Variants in SDK1 observed in about 807,000 individuals in gnomAD.
SDK1 encodes the protein protein sidekick-1.
SDK1 carries 157 observed loss-of-function variants against 245.5 expected under a neutral mutation model. The ratio of observed to expected loss-of-function variants is 0.64; its 90% CI spans 0.56 to 0.73. The LOEUF (loss-of-function observed/expected upper bound fraction) is 0.73, where lower values mean the gene tolerates loss of function less well. SDK1 is among the 30% of genes least tolerant of loss of function. The probability of loss-of-function intolerance (pLI) is 0.00; values close to 1 mark genes in which losing one functional copy is unlikely to be tolerated. For missense variants in SDK1, 3,583 were observed against 3,002.3 expected (o/e 1.19, Z -4.52); for synonymous variants, 1,647 against 1,278.5 (o/e 1.29, Z -6.15).
chr7:3,353,170 T>TA (rs1306424918), intron 1 of SDK1, among the ~76,000 whole-genome samples: 1 of 146,708 alleles, frequency 6.8e-6, no homozygotes, highest in Non-Finnish European at 1.5e-5. Context: ...GATAGATAGG[T>TA]AAGTGGTGTA....
chr7:3,940,798 G>C (rs1356439698), intron 5 of SDK1, among the ~76,000 whole-genome samples: 2 of 151,982 alleles, frequency 1.3e-5, no homozygotes, highest in African/African-American at 4.8e-5. Context: ...TCCAGCCTGG[G>C]TGACAAAAAT....
chr7:3,807,005 G>C (rs1583433870), intron 4 of SDK1, among the ~76,000 whole-genome samples: 2 of 152,004 alleles, frequency 1.3e-5, no homozygotes, highest in Admixed American at 1.3e-4. Flanking sequence ...ATCGATAGCT[G>C]TATTTCACCC....
chr7:3,531,509 C>T (rs982513454), intron 1 of SDK1, among the ~76,000 whole-genome samples: 9 of 152,044 alleles, frequency 5.9e-5, no homozygotes, highest in Admixed American at 5.9e-4. Context: ...ATTCCGAGTC[C>T]AGCCCAGTAG....
At chr7:3,778,647 T>A (rs1780633919) in intron 4 of SDK1, among the ~76,000 whole-genome samples, 1 of 152,232 alleles carries the variant, frequency 6.6e-6, no homozygotes. Flanking sequence ...GTTGAAGTAT[T>A]TTTAGATCAA....
chr7:3,772,606 CA>C (rs1780435472), intron 4 of SDK1, among the ~76,000 whole-genome samples: 1 of 152,130 alleles, frequency 6.6e-6, no homozygotes, highest in Non-Finnish European at 1.5e-5. Flanking sequence ...AGTGGAGTTA[CA>C]AACTAGTGCT....
rs115275572 is a variant in SDK1, at chr7:3,701,048, G to A, written c.713+58943G>A. 9.2e-3 allele frequency among the ~76,000 whole-genome samples: 1,396 copies of A among 152,196 alleles called. 20 individuals carry two copies. Among genetic ancestry groups the A allele is most frequent in the African/African-American group, 0.032 (1,314 of 41,496 alleles). On this transcript the variant is annotated intron_variant, in intron 4 of 44. Transcript: ENST00000404826. Reference sequence around the variant, plus strand: ...GGAACCAGTTGCCGCGCAGGGAGGAGGCTGAGGCTATCTACGTAGAAAATT... The same window carrying A: ...GGAACCAGTTGCCGCGCAGGGAGGAAGCTGAGGCTATCTACGTAGAAAATT...
intron 1 of SDK1, among the ~76,000 whole-genome samples, chr7:3,429,271 G>C (rs1346098435): frequency 6.6e-6 from 1 of 152,096 alleles, no homozygotes; most frequent in African/African-American, 2.4e-5. Flanking sequence ...TAAAATGCCA[G>C]GTCTTCTAGA....
At chr7:3,403,790 T>G (rs1262625818) in intron 1 of SDK1, among the ~76,000 whole-genome samples, 1 of 139,274 alleles carries the variant, frequency 7.2e-6, no homozygotes, top group Non-Finnish European at 1.5e-5. Context: ...GTACTCTGTT[T>G]CCAAGCTGCA....
At chr7:3,368,082 T>C (rs1051059635) in intron 1 of SDK1, among the ~76,000 whole-genome samples, 2 of 152,110 alleles carry the variant, frequency 1.3e-5, no homozygotes, top group Non-Finnish European at 2.9e-5. Flanking sequence ...CAATAAGGAG[T>C]TCTATCATAT....
intron 5 of SDK1, among the ~76,000 whole-genome samples, chr7:3,871,332 T>G (rs967764904): frequency 2.0e-5 from 3 of 152,130 alleles, no homozygotes; most frequent in Non-Finnish European, 1.5e-5. Context: ...TCTGTGGGAG[T>G]TTCTACATAG....
intron 43 of SDK1, among the ~76,000 whole-genome samples, chr7:4,244,702 G>A (rs1786736483): frequency 6.6e-6 from 1 of 152,242 alleles, no homozygotes; most frequent in Non-Finnish European, 1.5e-5. Flanking sequence ...TTGCATGGGT[G>A]TAATCCAGGT....
intron 4 of SDK1, among the ~76,000 whole-genome samples, chr7:3,674,740 G>A (rs1783835614): frequency 1.3e-5 from 2 of 152,156 alleles, no homozygotes; most frequent in South Asian, 4.1e-4. Flanking sequence ...TTCATGGTGT[G>A]AATACTCCCA....
chr7:4,013,338 C>T (rs1029684157), intron 16 of SDK1, among the ~76,000 whole-genome samples: 1 of 152,216 alleles, frequency 6.6e-6, no homozygotes, highest in African/African-American at 2.4e-5. Context: ...AGCAGAATTG[C>T]ATAATAATTA....
intron 1 of SDK1, among the ~76,000 whole-genome samples, chr7:3,420,363 G>A (rs984586518): frequency 6.6e-6 from 1 of 152,154 alleles, no homozygotes; most frequent in Non-Finnish European, 1.5e-5. Context: ...CTACAACTCA[G>A]ATCGTTTCAA....
chr7:4,019,299 A>G (rs544712481), intron 17 of SDK1, among the ~76,000 whole-genome samples: 34 of 152,350 alleles, frequency 2.2e-4, no homozygotes, highest in African/African-American at 7.7e-4. Context: ...CCACAAAGGC[A>G]GAACCAGCAC....
chr7:3,619,299 C>A (rs1231075249), intron 2 of SDK1, 60 bp downstream of exon 2: 19 of 1,449,636 alleles, frequency 1.3e-5, no homozygotes, highest in Non-Finnish European at 1.8e-5. Context: ...GAATACTTGC[C>A]TTACTGGTCA....
At chr7:3,922,286 A>T (rs1335497487) in intron 5 of SDK1, among the ~76,000 whole-genome samples, 1 of 152,104 alleles carries the variant, frequency 6.6e-6, no homozygotes, top group African/African-American at 2.4e-5. Context: ...TTCAGTCGGG[A>T]TGTGCTGGAG....
chr7:3,820,833 A>T (rs74715645), intron 4 of SDK1, among the ~76,000 whole-genome samples: 1 of 152,180 alleles, frequency 6.6e-6, no homozygotes, highest in East Asian at 1.9e-4. Flanking sequence ...CTTGGTCACG[A>T]TCAAGAAGAC....
intron 32 of SDK1, among the ~76,000 whole-genome samples, chr7:4,170,038 A>G (rs1347848533): frequency 6.6e-6 from 1 of 152,176 alleles, no homozygotes; most frequent in East Asian, 1.9e-4. Context: ...TCAGTCTCAC[A>G]TACCGACTTT....
Sources: gnomAD v4.1 joint callset for allele counts (sites outside exome capture counted in the v4.1 genomes callset) on GRCh38, gnomAD v4.1.1 for gene constraint, MANE v1.5 for transcripts, NCBI Gene and HGNC (gene_info 2026-07-23, HGNC 2026-07-21) for gene names.